The following SUSD2 variants were observed in gnomAD, a reference collection of about 807,000 sequenced individuals.
SUSD2 encodes the protein sushi domain containing 2, also known as sushi domain-containing protein 2.
SUSD2 carries 86 observed loss-of-function variants against 93.8 expected under a neutral mutation model. The ratio of observed to expected loss-of-function variants is 0.92; its 90% CI spans 0.77 to 1.10. The LOEUF (loss-of-function observed/expected upper bound fraction) is 1.10. SUSD2 is among the 50% of genes least tolerant of loss of function. SUSD2 has a pLI of 0.00. For missense variants in SUSD2, 1,060 were observed against 1,137.0 expected (o/e 0.93, Z 0.97); for synonymous variants, 483 against 485.0 (o/e 1.00, Z 0.05).
chr22:24,187,274 G>C lies in SUSD2; in HGVS notation c.1715G>C (p.Ser572Thr). Residue 572 changes from serine (S) to threonine (T), a missense_variant, in exon 11 of 15, where the codon AGC (serine) becomes ACC (threonine). Ser to Thr is a moderately conservative substitution (Grantham distance 58, BLOSUM62 1). Transcript: ENST00000358321. ...MLASGAGLEV[S>T]VQGPFLSVSV... Reference sequence around the variant, plus strand: ...GCATCAGGGGCCGGCCTGGAGGTCAGCGTGCAGGGCCCGTTCCTGAGTGTG... The same window carrying C: ...GCATCAGGGGCCGGCCTGGAGGTCACCGTGCAGGGCCCGTTCCTGAGTGTG... The C allele has an allele frequency of 2.5e-6, 4 of 1,614,050 alleles. No individual in the cohort carries two copies. Among genetic ancestry groups the C allele is most frequent in the Non-Finnish European group, 3.4e-6 (4 of 1,180,014 alleles).
Position 24,184,240 on chromosome 22 carries a change from T to C in SUSD2, c.544T>C (p.Trp182Arg), listed in dbSNP as rs763268807. ...CACCTCAGGCAACCTCAGCCTGACC[T>C]GGCATGTCAAGTCGCTGCCCACGCA... ...ANTSGNLSLT[W>R]HVKSLPTQTI... Residue 182 changes from tryptophan (W) to arginine (R), a missense_variant, in exon 4 of 15, where the codon TGG (tryptophan) becomes CGG (arginine). Trp to Arg is a moderately radical substitution (Grantham distance 101, BLOSUM62 -3). Around this residue, in one of 2 missense-constraint regions of SUSD2, gnomAD observed 973 missense variants for 1,005.3 expected, o/e 0.97. Transcript: ENST00000358321. 5 of 1,613,634 alleles carry C rather than the reference T, an allele frequency of 3.1e-6. No individual in the cohort carries two copies. In the South Asian group the frequency reaches 5.5e-5, roughly 18 times the overall value.
intron 3 of SUSD2, 30 bp downstream of exon 3, chr22:24,183,676 C>T (rs760031367): frequency 1.2e-6 from 2 of 1,601,264 alleles, no homozygotes; most frequent in African/African-American, 1.3e-5. Context: ...CACAGCCTGC[C>T]CCCACGGGGA....
At position 24,184,771 on chromosome 22, in the gene SUSD2, C is replaced by A; in HGVS notation, c.613C>A (p.Pro205Thr). 1 of 1,591,160 alleles carries A rather than the reference C, an allele frequency of 6.3e-7. No homozygotes were observed. The highest frequency in any genetic ancestry group is 8.6e-7 in the Non-Finnish European group (1 of 1,168,366). The change falls in exon 5 of 15, where the codon CCC becomes ACC. Residue 205 changes from proline to threonine, a missense_variant. This residue lies in a region of SUSD2 where 973 missense variants were observed against 1,005.3 expected (regional missense o/e 0.97). Coordinates refer to ENST00000358321, the MANE Select transcript of SUSD2 (RefSeq NM_019601.4). ...CCAGGCATCCTCTCCCTCAGGAATGCCCTACTCACAGGAGTGGACTGCAAA... is the reference window on the plus strand; with the variant it reads ...CCAGGCATCCTCTCCCTCAGGAATGACCTACTCACAGGAGTGGACTGCAAA... ...ELWGYEETGM[P>T]YSQEWTAKWS...
Position 24,188,768 on chromosome 22 carries a change from G to T in SUSD2, c.*332G>T. Reference sequence around the variant, plus strand: ...TCAGATTCCAATAGCTCACTCCCTAGAGCCTGACGCCGGGGCCCCTGACCC... The same window carrying T: ...TCAGATTCCAATAGCTCACTCCCTATAGCCTGACGCCGGGGCCCCTGACCC... On this transcript the variant is annotated 3_prime_UTR_variant, in exon 15 of 15. Coordinates refer to ENST00000358321, the MANE Select transcript of SUSD2 (RefSeq NM_019601.4). This position sits in a 1 kb window ranked among gnomAD's most constrained non-coding sequence, Gnocchi z 4.7. 3.5e-6 allele frequency: 1 copy of T among 282,854 alleles called. No homozygotes were observed. The highest frequency in any genetic ancestry group is 6.8e-6 in the Non-Finnish European group (1 of 148,096). The allele number at this position is 282,854 out of a possible 1,614,324, so 17.5% of individuals were successfully genotyped here. A position where few individuals can be genotyped will look rare whatever the true frequency, so the allele number is the denominator to read the frequency against.
chr22:24,186,556 C>T (rs2047367831), intron 10 of SUSD2, 141 bp downstream of exon 10: 2 of 1,033,312 alleles, frequency 1.9e-6, no homozygotes, highest in African/African-American at 1.6e-5. Flanking sequence ...CAGGCCTTCA[C>T]ACCCACCGAG....
At position 24,185,713 on chromosome 22, in the gene SUSD2, C is replaced by G; in HGVS notation, c.1123C>G (p.Leu375Val). The change falls in exon 8 of 15, where the codon CTC (leucine) becomes GTC (valine). Residue 375 changes from leucine (L) to valine (V), a missense_variant. Coordinates refer to ENST00000358321, the MANE Select transcript of SUSD2 (RefSeq NM_019601.4). ...CTGCTACACAGCGGACGGGACGCAGCTCCTGACAGCTGACTCCAGCGGCGG... is the reference window on the plus strand; with the variant it reads ...CTGCTACACAGCGGACGGGACGCAGGTCCTGACAGCTGACTCCAGCGGCGG... ...QCCYTADGTQ[L>V]LTADSSGGST... is the part of the protein sequence containing the mutation. The G allele has an allele frequency of 6.2e-7, 1 of 1,610,986 alleles. No homozygotes were observed. The highest frequency in any genetic ancestry group is 8.5e-7 in the Non-Finnish European group (1 of 1,179,482).
In SUSD2 at chr22:24,185,940, T is replaced by TC. The variant is rs1265942301; in HGVS notation, c.1339+14dup. Reference sequence around the variant, plus strand: ...GGCCCCCAAGACTGGGTGGGTGCCATCCCGTGCCCCAGACCCTGGGAAAGA... The same window carrying TC: ...GGCCCCCAAGACTGGGTGGGTGCCATCCCCGTGCCCCAGACCCTGGGAAAGA... On this transcript the variant is annotated intron_variant, in intron 8 of 14. Coordinates refer to ENST00000358321, the MANE Select transcript of SUSD2 (RefSeq NM_019601.4). The TC allele has an allele frequency of 1.9e-6, 3 of 1,568,760 alleles. No individual in the cohort carries two copies. In the African/African-American group the frequency reaches 4.0e-5, roughly 21 times the overall value.
In SUSD2 at chr22:24,185,759, A is replaced by G. The variant is rs762891563; in HGVS notation, c.1169A>G (p.His390Arg). The part of the protein sequence containing the change: ...SSGGSTPDRG[H>R]DWGAPPFRTP... ...GGCGGCAGCACTCCCGACCGCGGCC[A>G]TGACTGGGGCGCACCCCCGTTCCGC... The change falls in exon 8 of 15, where the codon CAT (histidine) becomes CGT (arginine). Residue 390 changes from histidine to arginine, a missense_variant. Coordinates refer to ENST00000358321, the MANE Select transcript of SUSD2 (RefSeq NM_019601.4). 7 of 1,609,638 alleles carry G rather than the reference A, an allele frequency of 4.3e-6. No homozygotes were observed. The Admixed American group carries it at 5.0e-5, about 12-fold the overall frequency.
intron 10 of SUSD2, chr22:24,186,940 G>A (rs2047370460): frequency 1.8e-6 from 1 of 561,164 alleles, no homozygotes; most frequent in African/African-American, 1.9e-5. Flanking sequence ...CTGCAGCCAA[G>A]GCCAGAGGGA....
intron 9 of SUSD2, 46 bp downstream of exon 9, chr22:24,186,205 C>T (rs753740099): frequency 1.1e-5 from 17 of 1,609,724 alleles, no homozygotes; most frequent in Middle Eastern, 1.7e-4. Context: ...GGGGTAGAAC[C>T]AAGGTGGGAG....
chr22:24,184,869 T>C lies in SUSD2; in HGVS notation c.711T>C (p.Ala237=), dbSNP rs2047350223. Residue 237 remains alanine (A), a synonymous_variant, in exon 5 of 15, where the codon GCT becomes GCC. Transcript: ENST00000358321. ...CTTTCACTTTCACCCCAAAACCTGC[T>C]CCTCCCAGCTACCAGAGATGGCGAG... The part of the protein sequence containing the change: ...SGSFTFTPKP[A]PPSYQRWRVG... 4 of 1,613,784 alleles carry C rather than the reference T, an allele frequency of 2.5e-6. No homozygotes were observed. The highest frequency in any genetic ancestry group is 3.4e-6 in the Non-Finnish European group (4 of 1,179,972).
Position 24,186,050 on chromosome 22 carries a change from C to T in SUSD2, c.1374C>T (p.Phe458=), listed in dbSNP as rs1312442503. 6.8e-6 allele frequency: 11 copies of T among 1,612,072 alleles called. No individual in the cohort carries two copies. The highest frequency in any genetic ancestry group is 8.5e-6 in the Non-Finnish European group (10 of 1,179,318). Residue 458 remains phenylalanine, a synonymous_variant, in exon 9 of 15, where the codon TTC becomes TTT. Transcript: ENST00000358321. ...SAFGDPHFVT[F]DGTNFTFNGR... ...TCGGAGACCCACACTTTGTGACCTT[C>T]GACGGCACCAACTTCACATTCAATG...
At chr22:24,187,123 C>T (rs567785415) in intron 10 of SUSD2, 79 bp from the exon 11 acceptor site, 35 of 1,542,058 alleles carry the variant, frequency 2.3e-5, no homozygotes, top group Non-Finnish European at 2.6e-5. Flanking sequence ...CCCTGGGTGC[C>T]GACCACCCTG....
chr22:24,187,916 A>G (rs770880140), intron 12 of SUSD2, 43 bp from the exon 13 acceptor site: 8 of 1,608,740 alleles, frequency 5.0e-6, no homozygotes, highest in Non-Finnish European at 5.9e-6. Flanking sequence ...GTGTGTATGC[A>G]TGGCAGCTCA....
rs1300740623 is a variant in SUSD2 at position 24,187,568 on chromosome 22, C to T, written c.1892-3C>T. On this transcript the variant is annotated splice_polypyrimidine_tract_variant and splice_region_variant and intron_variant, in intron 11 of 14. Transcript: ENST00000358321. ...AGCCAGGCCCCGGTCATGTATCTTC[C>T]AGGGACCGTGCACAATGCGTCCTCC... 15 of 1,609,100 alleles carry T rather than the reference C, an allele frequency of 9.3e-6. No homozygotes were observed. The highest frequency in any genetic ancestry group is 1.1e-5 in the Non-Finnish European group (13 of 1,176,614).
intron 10 of SUSD2, chr22:24,186,662 A>C: frequency 1.8e-6 from 1 of 553,462 alleles, no homozygotes; most frequent in Non-Finnish European, 3.2e-6. Flanking sequence ...CTGGAGGGGA[A>C]CTCACCCTGG....
rs1402693208 is a variant in SUSD2 at position 24,184,286 on chromosome 22, G to A, written c.590G>A (p.Trp197Ter). The A allele has an allele frequency of 6.2e-7, 1 of 1,613,266 alleles. No individual in the cohort carries two copies. The highest frequency in any genetic ancestry group is 1.7e-5 in the Admixed American group (1 of 59,992). Reference sequence around the variant, plus strand: ...ACGCAGACCATCACCATCGAACTGTGGGGCTACGAGGAGACAGGTGAGGCC... The same window carrying A: ...ACGCAGACCATCACCATCGAACTGTAGGGCTACGAGGAGACAGGTGAGGCC... The part of the protein sequence containing the change: ...LPTQTITIEL[W>*]GYEETGMPYS... The change falls in exon 4 of 15, where the codon TGG (tryptophan) becomes TAG (stop). Residue 197 changes from tryptophan to a stop codon, truncating the protein, a stop_gained. Coordinates refer to ENST00000358321, the MANE Select transcript of SUSD2 (RefSeq NM_019601.4). LOFTEE classifies it high-confidence loss of function.
chr22:24,188,594 G>A lies in SUSD2; in HGVS notation c.*158G>A, dbSNP rs1312316927. On this transcript the variant is annotated 3_prime_UTR_variant, in exon 15 of 15. Coordinates refer to ENST00000358321, the MANE Select transcript of SUSD2 (RefSeq NM_019601.4). This position sits in a 1 kb window ranked among gnomAD's most constrained non-coding sequence, Gnocchi z 4.7. ...CTGTCATCTCAGACCCCAGGCAGGA[G>A]GCCCAGTGTTCCAACACCCAAGCCC... The A allele has an allele frequency of 2.9e-5, 20 of 686,844 alleles. No homozygotes were observed. The East Asian group carries it at 4.9e-4, about 17-fold the overall frequency. The allele number at this position is 686,844 out of a possible 1,614,324, so 42.5% of individuals were successfully genotyped here.
At chr22:24,183,781 C>T (rs950198811) in intron 3 of SUSD2, 135 bp downstream of exon 3, 21 of 1,015,886 alleles carry the variant, frequency 2.1e-5, no homozygotes, top group African/African-American at 6.5e-5. Context: ...TGCCCGCCTG[C>T]GAGAGTTCCT....
Sources: allele counts gnomAD v4.1 joint callset, GRCh38; gene constraint gnomAD v4.1.1; regional missense constraint gnomAD v4.1.1; non-coding constraint Gnocchi (gnomAD v3.1); transcripts MANE v1.5; gene names NCBI Gene and HGNC (gene_info 2026-07-23, HGNC 2026-07-21).